OR9Q1: variants seen among roughly 807,000 people sequenced by gnomAD.
OR9Q1 encodes the protein olfactory receptor 9Q1.
For missense variants in OR9Q1, 374 were observed against 378.8 expected (o/e 0.99, Z 0.11); for synonymous variants, 153 against 148.6 (o/e 1.03, Z -0.22).
intron 2 of OR9Q1, among the ~76,000 whole-genome samples, chr11:58,138,990 TAGAGTAAGCTAAAGAA>T (rs1423402512): frequency 6.6e-6 from 1 of 151,146 alleles, no homozygotes; most frequent in Non-Finnish European, 1.5e-5. Context: ...GAATTTACAA[TAGAGTAAGCTAAAGAA>T]AGAGGGGAGA....
chr11:58,119,385 G>A (rs746701323), intron 2 of OR9Q1: 21 of 1,613,792 alleles, frequency 1.3e-5, no homozygotes, highest in Non-Finnish European at 1.7e-5. Flanking sequence ...CCAATTTGGG[G>A]TGGTCCATAA....
chr11:58,068,364 GAAAA>G (rs1210625882), intron 2 of OR9Q1, among the ~76,000 whole-genome samples: 1 of 148,400 alleles, frequency 6.7e-6, no homozygotes, highest in Non-Finnish European at 1.5e-5. Context: ...AAAAAAAAAA[GAAAA>G]AAAAGGCCCG....
At chr11:58,024,374 C>A (rs1177946919) in intron 1 of OR9Q1, among the ~76,000 whole-genome samples, 3 of 152,052 alleles carry the variant, frequency 2.0e-5, no homozygotes, top group Non-Finnish European at 4.4e-5. Flanking sequence ...AAATCATTTC[C>A]TGGATCTTAG....
intron 2 of OR9Q1, among the ~76,000 whole-genome samples, chr11:58,092,252 T>G (rs1853691425): frequency 6.6e-6 from 1 of 151,980 alleles, no homozygotes; most frequent in African/African-American, 2.4e-5. Context: ...TATATTTTTG[T>G]GTGTTTTTTA....
At chr11:58,037,074 T>G (rs145126840) in intron 1 of OR9Q1, among the ~76,000 whole-genome samples, 5 of 152,206 alleles carry the variant, frequency 3.3e-5, no homozygotes, top group African/African-American at 1.2e-4. Flanking sequence ...CATTGTTGTC[T>G]TGTTTTAATA....
At chr11:58,056,891 A>G (rs10896696) in intron 2 of OR9Q1, among the ~76,000 whole-genome samples, 34,135 of 151,814 alleles carry the variant, frequency 0.22, 5,064 homozygotes, top group East Asian at 0.6. Flanking sequence ...GGGGCACCTA[A>G]GGCTCCCTGT....
intron 1 of OR9Q1, among the ~76,000 whole-genome samples, chr11:58,027,277 AG>A (rs1852984510): frequency 6.6e-6 from 1 of 152,128 alleles, no homozygotes; most frequent in Admixed American, 6.5e-5. Context: ...GTGGTGGCAG[AG>A]GTGGTATGTG....
chr11:58,110,245 T>A (rs1415021132), intron 2 of OR9Q1, among the ~76,000 whole-genome samples: 1 of 152,228 alleles, frequency 6.6e-6, no homozygotes, highest in African/African-American at 2.4e-5. Flanking sequence ...TGGCTCTGTG[T>A]GTTGGGTAAA....
In OR9Q1 at chr11:58,106,358, A is replaced by G. The variant is rs188534647; in HGVS notation, c.-15+50411A>G. 9.7e-4 allele frequency among the ~76,000 whole-genome samples: 147 copies of G among 152,084 alleles called. 1 individual carries two copies. The highest frequency in any genetic ancestry group is 3.3e-3 in the African/African-American group (135 of 41,534). On this transcript the variant is annotated intron_variant, in intron 2 of 2. Coordinates refer to ENST00000335397, the MANE Select transcript of OR9Q1 (RefSeq NM_001005212.4). Reference sequence around the variant, plus strand: ...TAATTGTATTATTTATTTTATTACAATTGAGTTGCCGGAGTTCGATATATA... The same window carrying G: ...TAATTGTATTATTTATTTTATTACAGTTGAGTTGCCGGAGTTCGATATATA...
At chr11:58,071,070 G>A (rs910235897) in intron 2 of OR9Q1, among the ~76,000 whole-genome samples, 2 of 152,122 alleles carry the variant, frequency 1.3e-5, no homozygotes, top group African/African-American at 4.8e-5. Flanking sequence ...ATTTCCAGGG[G>A]CCTAAGATGC....
rs180804630 is a variant in OR9Q1, at chr11:58,083,731, C to A, written c.-15+27784C>A. ...CGAACAGGGAATCTTTTCCTCATTG[C>A]TTGTTTCTGTCGACTTTGTTGAAGA... On this transcript the variant is annotated intron_variant, in intron 2 of 2. Coordinates refer to ENST00000335397, the MANE Select transcript of OR9Q1 (RefSeq NM_001005212.4). Among the ~76,000 whole-genome samples, 3 of 151,928 alleles carry A rather than the reference C, an allele frequency of 2.0e-5. No individual in the cohort carries two copies. The East Asian group carries it at 5.8e-4, about 29-fold the overall frequency.
At chr11:58,159,219 G>T (rs902509111) in intron 2 of OR9Q1, among the ~76,000 whole-genome samples, 16 of 152,190 alleles carry the variant, frequency 1.1e-4, no homozygotes, top group Admixed American at 8.5e-4. Flanking sequence ...CTTGGTATGT[G>T]CTGGCAAATA....
At chr11:58,104,348 AG>A (rs1853819747) in intron 2 of OR9Q1, among the ~76,000 whole-genome samples, 1 of 97,452 alleles carries the variant, frequency 1.0e-5, no homozygotes, top group Non-Finnish European at 2.5e-5. Flanking sequence ...GTTGGATGGT[AG>A]TTTTTTTTTT....
At chr11:58,175,714 T>C (rs1854600466) in intron 2 of OR9Q1, among the ~76,000 whole-genome samples, 1 of 152,090 alleles carries the variant, frequency 6.6e-6, no homozygotes. Flanking sequence ...CTTTTAGAAC[T>C]CTTAGCACAG....
intron 2 of OR9Q1, among the ~76,000 whole-genome samples, chr11:58,165,197 A>G (rs1435367567): frequency 6.6e-6 from 1 of 152,230 alleles, no homozygotes; most frequent in Non-Finnish European, 1.5e-5. Flanking sequence ...CCCAGTGAAT[A>G]TTTGTGGACT....
chr11:58,030,982 G>C, intron 1 of OR9Q1: 1 of 1,614,006 alleles, frequency 6.2e-7, no homozygotes, highest in Non-Finnish European at 8.5e-7. Context: ...ACTGGACCCA[G>C]GTAACTGAAT....
At chr11:58,056,906 C>T (rs777553014) in intron 2 of OR9Q1, among the ~76,000 whole-genome samples, 18 of 151,632 alleles carry the variant, frequency 1.2e-4, no homozygotes, top group Non-Finnish European at 2.6e-4. Context: ...CCCTGTAGAA[C>T]TCTAAGGCTC....
intron 1 of OR9Q1, among the ~76,000 whole-genome samples, chr11:58,035,945 G>GTT (rs386373862): frequency 0.27 from 37,543 of 141,328 alleles, 5,317 homozygotes; most frequent in East Asian, 0.6. Context: ...ACTGGTACTG[G>GTT]TTTTTTTTTT....
At chr11:58,087,740 G>A (rs1352030336) in intron 2 of OR9Q1, among the ~76,000 whole-genome samples, 1 of 144,084 alleles carries the variant, frequency 6.9e-6, no homozygotes, top group African/African-American at 2.6e-5. Context: ...GACAGGCCCC[G>A]GTGTGTGAGG....
Sources: gnomAD v4.1 joint callset for allele counts (sites outside exome capture counted in the v4.1 genomes callset) on GRCh38, gnomAD v4.1.1 for gene constraint, MANE v1.5 for transcripts, NCBI Gene and HGNC (gene_info 2026-07-23, HGNC 2026-07-21) for gene names.